DIP2C: variants seen among roughly 807,000 people sequenced by gnomAD.
DIP2C encodes DIP2 acetate--CoA ligase C (putative), also known as disco-interacting protein 2 homolog C.
Under a neutral mutation model 192.4 loss-of-function variants are expected in DIP2C, and 33 were observed. The observed-to-expected ratio is 0.17, with a 90% CI of 0.13 to 0.23. The LOEUF is 0.23. Ranked by LOEUF, DIP2C falls within the 10% of genes least tolerant of loss-of-function variation. The pLI is 1.00. For missense variants in DIP2C, 1,537 were observed against 2,110.1 expected, an observed-to-expected ratio of 0.73 and a Z score of 5.32; for synonymous variants, 979 against 864.1, an observed-to-expected ratio of 1.13 and a Z score of -2.33.
In DIP2C at chr10:362,650, G is replaced by A; in HGVS notation, c.2634C>T (p.Ala878=). The A allele has an allele frequency of 1.9e-6, 3 of 1,613,820 alleles. No individual in the cohort carries two copies. The highest frequency in any genetic ancestry group is 2.2e-5 in the South Asian group (2 of 91,052). The change falls in exon 22 of 37, where the codon GCC becomes GCT. Residue 878 remains alanine, a synonymous_variant. Transcript: ENST00000280886. ...TGGGGAGGGTGTTTGCTGGCACCAA[G>A]GCCAGGCAATAAACTCCAACTTGAT... ...SIHQVGVYCL[A]LVPANTLPKT... is the part of the protein sequence containing the mutation.
At chr10:290,369 G>A (rs1257373367) in intron 32 of DIP2C, among the ~76,000 whole-genome samples, 1 of 152,218 alleles carries the variant, frequency 6.6e-6, no homozygotes, top group Non-Finnish European at 1.5e-5. Flanking sequence ...TTAGGAGCCT[G>A]GTAGCATTAT....
intron 1 of DIP2C, among the ~76,000 whole-genome samples, chr10:681,507 G>A (rs543074371): frequency 3.4e-4 from 51 of 151,242 alleles, no homozygotes; most frequent in African/African-American, 9.5e-4. Context: ...CACCACCTGC[G>A]GCCACAGAAA....
At position 418,372 on chromosome 10, in the gene DIP2C, G is replaced by A. The variant is rs184309058; in HGVS notation, c.739+693C>T. On this transcript the variant is annotated intron_variant, in intron 6 of 36. Transcript: ENST00000280886. ...GCCTCCCTGTCCGCCTGTGAGTCCC[G>A]TGCACCGCAAGATGACAGCATACCA... Among the ~76,000 whole-genome samples the A allele has an allele frequency of 1.6e-3, 236 of 151,850 alleles. 1 individual carries two copies. Among genetic ancestry groups the A allele is most frequent in the Non-Finnish European group, 2.1e-3 (142 of 67,896 alleles).
chr10:649,125 G>A (rs921829319), intron 1 of DIP2C, among the ~76,000 whole-genome samples: 14 of 146,794 alleles, frequency 9.5e-5, no homozygotes, highest in South Asian at 4.4e-4. Flanking sequence ...AGAACAGAGC[G>A]AAACTTAGTC....
Position 380,613 on chromosome 10 carries a change from G to A in DIP2C, c.1991+2034C>T, listed in dbSNP as rs77699314. On this transcript the variant is annotated intron_variant, in intron 17 of 36. Coordinates refer to ENST00000280886, the MANE Select transcript of DIP2C (RefSeq NM_014974.3). Reference sequence around the variant, plus strand: ...CTTCTCTGCAACAAAACAGGGGAATGTAGCAGCCGAACACTTGTCTTTCTT... The same window carrying A: ...CTTCTCTGCAACAAAACAGGGGAATATAGCAGCCGAACACTTGTCTTTCTT... 6.1e-3 allele frequency among the ~76,000 whole-genome samples: 925 copies of A among 152,372 alleles called. 4 individuals carry two copies. The highest frequency in any genetic ancestry group is 0.014 in the Middle Eastern group (4 of 294).
intron 3 of DIP2C, among the ~76,000 whole-genome samples, chr10:452,080 C>A (rs961018648): frequency 3.3e-5 from 5 of 152,126 alleles, no homozygotes; most frequent in African/African-American, 7.2e-5. Context: ...CCCACAGGAT[C>A]GGGTAACACG....
chr10:328,567 G>A (rs1957369479), intron 30 of DIP2C, among the ~76,000 whole-genome samples: 2 of 149,378 alleles, frequency 1.3e-5, no homozygotes, highest in African/African-American at 2.5e-5. Flanking sequence ...CAATATAGAT[G>A]AACATGAATA....
chr10:291,691 C>G (rs1955505346), intron 32 of DIP2C, among the ~76,000 whole-genome samples: 1 of 152,224 alleles, frequency 6.6e-6, no homozygotes, highest in African/African-American at 2.4e-5. Flanking sequence ...TCGGTGCTGA[C>G]TTTCTCAAAC....
In DIP2C at chr10:605,416, T is replaced by A. The variant is rs149566607; in HGVS notation, c.85+84078A>T. On this transcript the variant is annotated intron_variant, in intron 1 of 36. Coordinates refer to ENST00000280886, the MANE Select transcript of DIP2C (RefSeq NM_014974.3). ...TCACTCATGATTCCCTTGCCCAAGCTAATAAAATTCCTTACAGAAAAACTA... is the reference window on the plus strand; with the variant it reads ...TCACTCATGATTCCCTTGCCCAAGCAAATAAAATTCCTTACAGAAAAACTA... Among the ~76,000 whole-genome samples, 361 of 152,334 alleles carry A rather than the reference T, an allele frequency of 2.4e-3. 3 individuals are homozygous for A. Among genetic ancestry groups the A allele is most frequent in the African/African-American group, 8.2e-3 (341 of 41,564 alleles).
Position 418,011 on chromosome 10 carries a change from C to CTTCGATAG in DIP2C, c.739+1053_739+1054insCTATCGAA, listed in dbSNP as rs1965874187. 7.0e-5 allele frequency among the ~76,000 whole-genome samples: 6 copies of CTTCGATAG among 85,304 alleles called. 2 individuals carry two copies. Among genetic ancestry groups the CTTCGATAG allele is most frequent in the South Asian group, 5.2e-4 (1 of 1,918 alleles). 56.0% of individuals were successfully genotyped at this position (85,304 alleles called of 152,430 possible). On this transcript the variant is annotated intron_variant, in intron 6 of 36. Coordinates refer to ENST00000280886, the MANE Select transcript of DIP2C (RefSeq NM_014974.3). ...CCCTGTCCACCTGCACCTGTCAGGG[C>CTTCGATAG]GCGGACAGGCCTCCCTGTCCACCTG...
At chr10:413,535 A>G (rs868300612) in intron 8 of DIP2C, among the ~76,000 whole-genome samples, 3 of 152,382 alleles carry the variant, frequency 2.0e-5, no homozygotes, top group Middle Eastern at 3.4e-3. Context: ...TTAACAAATA[A>G]CTTTTTATAT....
chr10:659,961 G>C (rs1254518732), intron 1 of DIP2C, among the ~76,000 whole-genome samples: 2 of 152,190 alleles, frequency 1.3e-5, no homozygotes, highest in Non-Finnish European at 2.9e-5. Context: ...CCTTAGGAGA[G>C]AATCTCACAG....
intron 1 of DIP2C, among the ~76,000 whole-genome samples, chr10:541,842 CCT>C (rs1423063256): frequency 6.6e-6 from 1 of 152,192 alleles, no homozygotes; most frequent in Non-Finnish European, 1.5e-5. Flanking sequence ...CTGACTGCAC[CCT>C]GTCTAGTGCA....
intron 1 of DIP2C, among the ~76,000 whole-genome samples, chr10:541,583 G>T (rs1847990538): frequency 7.2e-6 from 1 of 137,998 alleles, no homozygotes; most frequent in African/African-American, 2.8e-5. Context: ...ATCTCTCCTG[G>T]ATCCCACAGC....
At chr10:675,378 T>C (rs1830836862) in intron 1 of DIP2C, among the ~76,000 whole-genome samples, 1 of 151,684 alleles carries the variant, frequency 6.6e-6, no homozygotes. Flanking sequence ...TGCAATGAGC[T>C]AGAAGAGCAA....
chr10:477,828 G>A (rs1436602364), intron 2 of DIP2C, among the ~76,000 whole-genome samples: 4 of 132,320 alleles, frequency 3.0e-5, no homozygotes, highest in Admixed American at 1.6e-4. Flanking sequence ...CAAGAGAGAA[G>A]GAGAAGGGAG....
intron 3 of DIP2C, among the ~76,000 whole-genome samples, chr10:464,605 T>C (rs1373793497): frequency 2.6e-5 from 4 of 152,134 alleles, no homozygotes; most frequent in Non-Finnish European, 5.9e-5. Context: ...GAAATACCAT[T>C]TGATCAAGCA....
rs755586494 is a variant in DIP2C at position 651,420 on chromosome 10, A to G, written c.85+38074T>C. 3 of 696,746 alleles carry G rather than the reference A, an allele frequency of 4.3e-6. No individual in the cohort carries two copies. Among genetic ancestry groups the G allele is most frequent in the Non-Finnish European group, 7.9e-6 (3 of 381,118 alleles). The allele number at this position is 696,746 out of a possible 1,614,324, so 43.2% of individuals were successfully genotyped here. A position where few individuals can be genotyped will look rare whatever the true frequency, so the allele number is the denominator to read the frequency against. ...AACAACCAAACTCGTGACTGAATGA[A>G]CAAGTATGTTAAGTCGTTAAGTAAA... On this transcript the variant is annotated intron_variant, in intron 1 of 36. Coordinates refer to ENST00000280886, the MANE Select transcript of DIP2C (RefSeq NM_014974.3). The surrounding 1 kb of genome is among the most constrained non-coding windows in gnomAD (Gnocchi z 4.1).
chr10:608,129 C>CT (rs1852647850), intron 1 of DIP2C, among the ~76,000 whole-genome samples: 1 of 116,960 alleles, frequency 8.5e-6, no homozygotes, highest in African/African-American at 5.7e-5. Flanking sequence ...CACACAGCCC[C>CT]AACACACACA....
Sources: allele counts gnomAD v4.1 joint callset (sites outside exome capture counted in the v4.1 genomes callset), GRCh38; gene constraint gnomAD v4.1.1; non-coding constraint Gnocchi (gnomAD v3.1); transcripts MANE v1.5; gene names NCBI Gene and HGNC (gene_info 2026-07-23, HGNC 2026-07-21).